PSMD1: variants seen among roughly 807,000 people sequenced by gnomAD.
PSMD1 encodes 26S proteasome non-ATPase regulatory subunit 1.
A neutral mutation model predicts 119.0 loss-of-function variants in PSMD1; 18 were observed. The ratio of observed to expected loss-of-function variants is 0.15; its 90% confidence interval spans 0.10 to 0.22. The LOEUF is 0.22. Among genes scored for constraint, PSMD1 ranks in the 10% least tolerant of loss-of-function variants. The probability of loss-of-function intolerance (pLI) is 1.00; values close to 1 mark genes in which losing one functional copy is unlikely to be tolerated. For synonymous variants in PSMD1, 374 were observed against 396.6 expected, an observed-to-expected ratio of 0.94 and a Z score of 0.68; for missense variants, 702 against 1,158.5, an observed-to-expected ratio of 0.61 and a Z score of 5.72.
In PSMD1 at chr2:231,170,128, T is replaced by C. The variant is rs558775163; in HGVS notation, c.2716-438T>C. 1.3e-4 allele frequency among the ~76,000 whole-genome samples: 20 copies of C among 152,358 alleles called. No homozygotes were observed. In the South Asian group the frequency reaches 4.1e-3, roughly 32 times the overall value. ...CAGATTGACTGGGATCTTGTTAGAATGCAGATTCTGCAGATCTAGGGTGGG... is the reference window on the plus strand; with the variant it reads ...CAGATTGACTGGGATCTTGTTAGAACGCAGATTCTGCAGATCTAGGGTGGG... On this transcript the variant is annotated intron_variant, in intron 23 of 24. Coordinates refer to ENST00000308696, the MANE Select transcript of PSMD1 (RefSeq NM_002807.4). This position sits in a 1 kb window ranked among gnomAD's most constrained non-coding sequence, Gnocchi z 4.1.
At chr2:231,143,900 C>T (rs1465636900) in intron 17 of PSMD1, among the ~76,000 whole-genome samples, 1 of 152,114 alleles carries the variant, frequency 6.6e-6, no homozygotes, top group Non-Finnish European at 1.5e-5. Flanking sequence ...GGAAGTGCAA[C>T]CATGAAATCA....
intron 14 of PSMD1, among the ~76,000 whole-genome samples, chr2:231,084,355 A>T (rs1694382809): frequency 6.6e-6 from 1 of 150,674 alleles, no homozygotes; most frequent in South Asian, 2.1e-4. Flanking sequence ...CCATCTCAAA[A>T]ATATATATAT....
intron 8 of PSMD1, 124 bp downstream of exon 8, chr2:231,075,695 T>G (rs1694145687): frequency 7.8e-6 from 6 of 773,762 alleles, no homozygotes; most frequent in Non-Finnish European, 1.2e-5. Context: ...TCCTCCCACC[T>G]TAGCCTCCCA....
Position 231,153,601 on chromosome 2 carries a change from A to T in PSMD1, c.2153A>T (p.Asn718Ile), listed in dbSNP as rs142822864. ...QFRQLYSKVI[N>I]DKHDDVMAKF... The stretch of plus-strand genomic sequence containing the variant: ...AGACAGCTGTATTCCAAAGTCATCA[A>T]TGATAAGCATGATGATGTCATGGCC... Residue 718 changes from asparagine to isoleucine, a missense_variant, in exon 19 of 25, where the codon AAT becomes ATT. Physicochemically the swap from Asn to Ile is moderately radical, Grantham distance 149 (BLOSUM62 -3). Transcript: ENST00000308696. 6.2e-7 allele frequency: 1 copy of T among 1,613,778 alleles called. No homozygotes were observed. Among genetic ancestry groups the T allele is most frequent in the Non-Finnish European group, 8.5e-7 (1 of 1,179,796 alleles).
At chr2:231,091,199 T>G (rs979164371) in intron 16 of PSMD1, among the ~76,000 whole-genome samples, 1 of 152,166 alleles carries the variant, frequency 6.6e-6, no homozygotes, top group African/African-American at 2.4e-5. Context: ...TTGTGGGTAA[T>G]TAACATTGTC....
At chr2:231,160,376 A>G (rs528368778) in intron 19 of PSMD1, among the ~76,000 whole-genome samples, 4 of 152,362 alleles carry the variant, frequency 2.6e-5, no homozygotes, top group East Asian at 1.9e-4. Context: ...GTAATGCTCA[A>G]TGCTTTCGTA....
chr2:231,115,155 G>T (rs1047455992), intron 16 of PSMD1, among the ~76,000 whole-genome samples: 7 of 151,784 alleles, frequency 4.6e-5, no homozygotes, highest in African/African-American at 1.7e-4. Context: ...AAAATTTAAG[G>T]AGCCTGGGGG....
At chr2:231,123,795 C>G (rs769725741) in intron 16 of PSMD1, 2 of 1,501,866 alleles carry the variant, frequency 1.3e-6, no homozygotes, top group Non-Finnish European at 1.9e-6. Context: ...AATCCCGTTC[C>G]GAACAGTGGT....
In PSMD1 at chr2:231,080,034, T is replaced by C. The variant is rs186655913; in HGVS notation, c.1240-107T>C. 314 of 1,017,782 alleles carry C rather than the reference T, an allele frequency of 3.1e-4. 2 individuals carry two copies. In the African/African-American group the frequency reaches 3.8e-3, roughly 12 times the overall value. The allele number at this position is 1,017,782 out of a possible 1,614,324, so 63.0% of individuals were successfully genotyped here. A position where few individuals can be genotyped will look rare whatever the true frequency, so the allele number is the denominator to read the frequency against. ...GAGAGAGCCCCACTACCTCCTTCTC[T>C]CTTAGCAAGTGAACATTCTGGGGAA... On this transcript the variant is annotated intron_variant, in intron 11 of 24. Transcript: ENST00000308696.
chr2:231,153,774 T>C, intron 19 of PSMD1, 108 bp downstream of exon 19: 1 of 790,976 alleles, frequency 1.3e-6, no homozygotes, highest in East Asian at 2.8e-5. Flanking sequence ...AGGCAAATTA[T>C]TCCTGGAGAA....
intron 21 of PSMD1, among the ~76,000 whole-genome samples, chr2:231,164,362 G>A (rs1696708356): frequency 6.6e-6 from 1 of 152,110 alleles, no homozygotes; most frequent in African/African-American, 2.4e-5. Context: ...TACCAACTGT[G>A]TATGAGGACA....
At chr2:231,071,628 GAAGTT>G (rs1406707294) in intron 6 of PSMD1, among the ~76,000 whole-genome samples, 1 of 151,974 alleles carries the variant, frequency 6.6e-6, no homozygotes, top group Non-Finnish European at 1.5e-5. Flanking sequence ...TGTTTATTTT[GAAGTT>G]GAGTTACTTG....
intron 19 of PSMD1, among the ~76,000 whole-genome samples, chr2:231,159,885 G>A (rs753252390): frequency 2.6e-5 from 4 of 152,306 alleles, no homozygotes; most frequent in Middle Eastern, 3.4e-3. Flanking sequence ...CATAAGGAAC[G>A]TTCAGCCTAG....
chr2:231,091,848 A>G (rs1371147305), intron 16 of PSMD1, among the ~76,000 whole-genome samples: 1 of 152,128 alleles, frequency 6.6e-6, no homozygotes. Context: ...GTTGATTCCA[A>G]GGTAGGGAGG....
intron 18 of PSMD1, 103 bp from the exon 19 acceptor site, chr2:231,153,461 C>G (rs1341375640): frequency 2.3e-6 from 2 of 862,950 alleles, no homozygotes; most frequent in African/African-American, 1.7e-5. Context: ...CATTACGAAA[C>G]TCAGAACTAA....
At chr2:231,163,304 G>C (rs1696683507) in intron 20 of PSMD1, 2 of 209,738 alleles carry the variant, frequency 9.5e-6, no homozygotes, top group African/African-American at 2.3e-5. Context: ...ATGCAGGATA[G>C]ACCATCAAAT....
chr2:231,093,019 C>A (rs1694636807), intron 16 of PSMD1, among the ~76,000 whole-genome samples: 1 of 152,128 alleles, frequency 6.6e-6, no homozygotes, highest in Admixed American at 6.5e-5. Flanking sequence ...ATGAGGGACC[C>A]CACTGGGGGT....
At chr2:231,078,612 A>T in intron 9 of PSMD1, 47 bp from the exon 10 acceptor site, 1 of 1,458,858 alleles carries the variant, frequency 6.9e-7, no homozygotes, top group Non-Finnish European at 9.5e-7. Context: ...GTGTGCATAT[A>T]TGAATACTTT....
intron 1 of PSMD1, among the ~76,000 whole-genome samples, chr2:231,060,739 T>C (rs1693735935): frequency 6.6e-6 from 1 of 152,246 alleles, no homozygotes; most frequent in Non-Finnish European, 1.5e-5. Context: ...CTTGAAATAA[T>C]TGAAGTATTT....
Sources: gnomAD v4.1 joint callset for allele counts (sites outside exome capture counted in the v4.1 genomes callset) on GRCh38, gnomAD v4.1.1 for gene constraint, Gnocchi (gnomAD v3.1) non-coding constraint, MANE v1.5 for transcripts, NCBI Gene and HGNC (gene_info 2026-07-23, HGNC 2026-07-21) for gene names.